The following PDE4D variants were observed in gnomAD, a reference collection of about 807,000 sequenced individuals.
PDE4D encodes phosphodiesterase 4D, also known as 3',5'-cyclic-AMP phosphodiesterase 4D.
PDE4D carries 24 observed loss-of-function variants against 87.4 expected under a neutral mutation model. That is an observed-to-expected ratio of 0.27 (90% CI 0.20 to 0.39). The LOEUF (loss-of-function observed/expected upper bound fraction) is 0.39, where lower values mean the gene tolerates loss of function less well. Ranked by LOEUF, PDE4D falls within the 10% of genes least tolerant of loss-of-function variation. The pLI, the probability that PDE4D is intolerant of heterozygous loss-of-function variation, is 1.00. For missense variants in PDE4D, 714 were observed against 1,041.0 expected (o/e 0.69, Z 4.32); for synonymous variants, 384 against 383.2 (o/e 1.00, Z -0.02).
chr5:59,957,067 G>A (rs544356821), intron 3 of PDE4D, among the ~76,000 whole-genome samples: 8 of 152,238 alleles, frequency 5.3e-5, no homozygotes, highest in African/African-American at 1.7e-4. Flanking sequence ...AGGACAAAAG[G>A]CTTCTTTTGC....
rs147581973 is a variant in PDE4D, at chr5:60,148,768, T to A, written c.42+36789A>T. Among the ~76,000 whole-genome samples the A allele has an allele frequency of 9.7e-3, 1,476 of 152,314 alleles. 16 individuals carry two copies. Among genetic ancestry groups the A allele is most frequent in the South Asian group, 0.031 (151 of 4,828 alleles). ...TTAGATAATGAAAGATAGACTTATT[T>A]AATGAAAAAGGCATAGTTGGCATTT... On this transcript the variant is annotated intron_variant, in intron 2 of 16. Transcript: ENST00000502484.
chr5:59,572,701 C>T (rs1246750102), intron 1 of PDE4D, among the ~76,000 whole-genome samples: 1 of 152,062 alleles, frequency 6.6e-6, no homozygotes, highest in East Asian at 1.9e-4. Context: ...AAGATGGTCT[C>T]GATCTCCTGA....
chr5:59,050,168 G>A (rs1418795386), intron 5 of PDE4D, among the ~76,000 whole-genome samples: 1 of 152,188 alleles, frequency 6.6e-6, no homozygotes, highest in Non-Finnish European at 1.5e-5. Flanking sequence ...TTGGGAGGCT[G>A]AGGCAGGAGA....
At chr5:59,736,226 G>T (rs536506055) in intron 1 of PDE4D, among the ~76,000 whole-genome samples, 12 of 151,706 alleles carry the variant, frequency 7.9e-5, no homozygotes, top group Non-Finnish European at 1.6e-4. Flanking sequence ...CAAGCAAATG[G>T]AAATATAAAG....
intron 1 of PDE4D, among the ~76,000 whole-genome samples, chr5:59,452,297 T>C (rs531901781): frequency 6.6e-6 from 1 of 152,342 alleles, no homozygotes; most frequent in South Asian, 2.1e-4. Flanking sequence ...CTGCCACTCC[T>C]ATCAAGGCTT....
intron 2 of PDE4D, among the ~76,000 whole-genome samples, chr5:60,042,418 A>C (rs1479692707): frequency 6.6e-6 from 1 of 152,208 alleles, no homozygotes; most frequent in African/African-American, 2.4e-5. Context: ...AGAGCAGTGG[A>C]TCTCCCAGCG....
At chr5:60,459,244 T>C (rs1746730032) in intron 1 of PDE4D, among the ~76,000 whole-genome samples, 1 of 152,124 alleles carries the variant, frequency 6.6e-6, no homozygotes, top group Non-Finnish European at 1.5e-5. Context: ...TTTAAAAGTG[T>C]CATCTTAAAC....
intron 2 of PDE4D, among the ~76,000 whole-genome samples, chr5:60,028,057 C>T (rs149374312): frequency 1.0e-3 from 158 of 152,258 alleles, no homozygotes; most frequent in African/African-American, 3.4e-3. Context: ...TCTCTTATTT[C>T]ACTTCTCCAT....
intron 1 of PDE4D, among the ~76,000 whole-genome samples, chr5:59,340,556 T>G (rs1029495937): frequency 6.6e-6 from 1 of 152,178 alleles, no homozygotes; most frequent in Non-Finnish European, 1.5e-5. Context: ...ACTCTTTAAT[T>G]AAAAAATGTA....
In PDE4D at chr5:59,418,332, A is replaced by G. The variant is rs1212294732; in HGVS notation, c.456-202364T>C. Among the ~76,000 whole-genome samples, 4 of 152,180 alleles carry G rather than the reference A, an allele frequency of 2.6e-5. No homozygotes were observed. In the East Asian group the frequency reaches 7.7e-4, roughly 29 times the overall value. On this transcript the variant is annotated intron_variant, in intron 1 of 14. Transcript: ENST00000340635. ...CATGATTGCCTCTCAAGTTCAATAA[A>G]TTCTGACCACACTCAATTTTTTTTC...
At chr5:59,234,084 CA>C (rs1186530903) in intron 1 of PDE4D, among the ~76,000 whole-genome samples, 1 of 152,124 alleles carries the variant, frequency 6.6e-6, no homozygotes, top group Non-Finnish European at 1.5e-5. Flanking sequence ...AAGCAATGTT[CA>C]TTGCTGACTT....
At chr5:59,491,677 T>C (rs939996210) in intron 1 of PDE4D, among the ~76,000 whole-genome samples, 1 of 152,226 alleles carries the variant, frequency 6.6e-6, no homozygotes, top group African/African-American at 2.4e-5. Flanking sequence ...TTTAACTATA[T>C]GTATATTCAC....
At chr5:59,262,877 G>A (rs1167605670) in intron 1 of PDE4D, among the ~76,000 whole-genome samples, 9 of 151,948 alleles carry the variant, frequency 5.9e-5, no homozygotes, top group East Asian at 1.9e-4. Flanking sequence ...TTTATGACAC[G>A]AGAAGAGTCA....
intron 1 of PDE4D, among the ~76,000 whole-genome samples, chr5:59,273,982 T>C (rs1451707664): frequency 6.6e-6 from 1 of 152,144 alleles, no homozygotes; most frequent in Non-Finnish European, 1.5e-5. Context: ...ATTTTTAAAG[T>C]AGTAACATCT....
chr5:60,027,989 T>C (rs1394353226), intron 2 of PDE4D, among the ~76,000 whole-genome samples: 1 of 152,250 alleles, frequency 6.6e-6, no homozygotes, highest in Non-Finnish European at 1.5e-5. Context: ...GATACGATCA[T>C]GTCCTCTTAT....
At chr5:60,307,218 C>A (rs1754580189) in intron 1 of PDE4D, among the ~76,000 whole-genome samples, 1 of 152,000 alleles carries the variant, frequency 6.6e-6, no homozygotes, top group Admixed American at 6.6e-5. Flanking sequence ...GCATTATTTT[C>A]CATGGTAATT....
intron 1 of PDE4D, among the ~76,000 whole-genome samples, chr5:59,419,566 T>C (rs773765427): frequency 6.6e-6 from 1 of 152,224 alleles, no homozygotes; most frequent in Non-Finnish European, 1.5e-5. Flanking sequence ...GTGCATTATA[T>C]AAAATAAATA....
chr5:59,337,329 C>G (rs951849793), intron 1 of PDE4D, among the ~76,000 whole-genome samples: 2 of 133,502 alleles, frequency 1.5e-5, no homozygotes, highest in East Asian at 2.2e-4. Flanking sequence ...AAGTTCCCCC[C>G]CCCCCACCTT....
rs367600575 is a variant in PDE4D at position 59,148,149 on chromosome 5, GA to G, written c.808+32445del. Reference sequence around the variant, plus strand: ...ATGAAGGTAACCCATCCTCAGCTAGGAAAAAAAAAATATGTATTTTCCAAAA... The same window carrying G: ...ATGAAGGTAACCCATCCTCAGCTAGGAAAAAAAAATATGTATTTTCCAAAA... On this transcript the variant is annotated intron_variant, in intron 5 of 14. Coordinates refer to ENST00000340635, the MANE Select transcript of PDE4D (RefSeq NM_001104631.2). Among the ~76,000 whole-genome samples the G allele has an allele frequency of 7.2e-3, 1,070 of 149,136 alleles. 7 individuals are homozygous for G. Among genetic ancestry groups the G allele is most frequent in the South Asian group, 8.7e-3 (41 of 4,706 alleles).
Sources: allele counts gnomAD v4.1 joint callset (sites outside exome capture counted in the v4.1 genomes callset), GRCh38; gene constraint gnomAD v4.1.1; transcripts MANE v1.5; gene names NCBI Gene and HGNC (gene_info 2026-07-23, HGNC 2026-07-21).